Variants in C1GALT1 observed in about 807,000 individuals in gnomAD.
C1GALT1 encodes core 1 synthase, glycoprotein-N-acetylgalactosamine 3-beta-galactosyltransferase 1, also known as glycoprotein-N-acetylgalactosamine 3-beta-galactosyltransferase 1.
C1GALT1 carries 11 observed loss-of-function variants against 31.0 expected under a neutral mutation model. The ratio of observed to expected loss-of-function variants is 0.36; its 90% CI spans 0.22 to 0.59. The LOEUF (loss-of-function observed/expected upper bound fraction) is 0.59, where lower values mean the gene tolerates loss of function less well. C1GALT1 is among the 20% of genes least tolerant of loss of function. C1GALT1 has a pLI of 0.79. For missense variants in C1GALT1, 424 were observed against 425.2 expected, an observed-to-expected ratio of 1.00 and a Z score of 0.03; for synonymous variants, 175 against 143.6, an observed-to-expected ratio of 1.22 and a Z score of -1.56.
chr7:7,185,918 A>G (rs1374319881), intron 1 of C1GALT1, among the ~76,000 whole-genome samples: 1 of 152,220 alleles, frequency 6.6e-6, no homozygotes, highest in Non-Finnish European at 1.5e-5. Flanking sequence ...ATTTATTTAC[A>G]TATATCAGTG....
intron 1 of C1GALT1, among the ~76,000 whole-genome samples, chr7:7,200,396 C>G (rs185919742): frequency 6.6e-6 from 1 of 152,340 alleles, no homozygotes; most frequent in East Asian, 1.9e-4. Flanking sequence ...TGTAGAGTTT[C>G]TGCAGAGAGA....
chr7:7,170,080 G>C (rs1780437529), intron 2 of C1GALT1, among the ~76,000 whole-genome samples: 1 of 152,166 alleles, frequency 6.6e-6, no homozygotes, highest in Non-Finnish European at 1.5e-5. Flanking sequence ...AGTAAGTTTA[G>C]TTAATTTGTG....
At chr7:7,235,685 A>T (rs1783303708) in intron 2 of C1GALT1, among the ~76,000 whole-genome samples, 1 of 151,768 alleles carries the variant, frequency 6.6e-6, no homozygotes, top group Middle Eastern at 3.2e-3. Flanking sequence ...AAGTTTGTCT[A>T]CTCCCTTCAG....
At chr7:7,194,231 T>G (rs966057848) in intron 1 of C1GALT1, among the ~76,000 whole-genome samples, 3 of 152,154 alleles carry the variant, frequency 2.0e-5, no homozygotes, top group African/African-American at 7.2e-5. Flanking sequence ...GTAGTGAGAC[T>G]GGGCATCCCT....
chr7:7,192,680 T>C (rs1038853340), intron 1 of C1GALT1, among the ~76,000 whole-genome samples: 2 of 152,164 alleles, frequency 1.3e-5, no homozygotes, highest in African/African-American at 4.8e-5. Context: ...AGTAGTGGGA[T>C]TGCTGGGTCA....
At chr7:7,205,551 A>T (rs1459228086) in intron 1 of C1GALT1, among the ~76,000 whole-genome samples, 1 of 152,208 alleles carries the variant, frequency 6.6e-6, no homozygotes, top group Non-Finnish European at 1.5e-5. Context: ...TGGCAGAGGT[A>T]GAAGAAGATG....
intron 2 of C1GALT1, among the ~76,000 whole-genome samples, chr7:7,237,280 A>T (rs1400966707): frequency 6.6e-6 from 1 of 152,200 alleles, no homozygotes; most frequent in African/African-American, 2.4e-5. Flanking sequence ...CTTCCTCTGT[A>T]CCGGTGCTAC....
intron 1 of C1GALT1, among the ~76,000 whole-genome samples, chr7:7,214,174 A>G (rs564236196): frequency 6.6e-6 from 1 of 152,332 alleles, no homozygotes; most frequent in Non-Finnish European, 1.5e-5. Flanking sequence ...TAGATAACAC[A>G]ATGCAAAACA....
chr7:7,217,696 C>T (rs991184127), intron 1 of C1GALT1, among the ~76,000 whole-genome samples: 3 of 152,084 alleles, frequency 2.0e-5, no homozygotes, highest in Admixed American at 6.5e-5. Context: ...CTTAAAGAAG[C>T]AAAGTCTCAC....
At chr7:7,212,739 A>G (rs1408611204) in intron 1 of C1GALT1, among the ~76,000 whole-genome samples, 4 of 152,056 alleles carry the variant, frequency 2.6e-5, no homozygotes, top group Non-Finnish European at 5.9e-5. Flanking sequence ...TACATTCACA[A>G]GGGCGGGGAG....
intron 2 of C1GALT1, among the ~76,000 whole-genome samples, chr7:7,176,354 G>A (rs1780506198): frequency 6.6e-6 from 1 of 152,074 alleles, no homozygotes; most frequent in African/African-American, 2.4e-5. Flanking sequence ...TTCAATAACA[G>A]ATGCAACATA....
chr7:7,208,980 T>G (rs1001197807), intron 1 of C1GALT1, among the ~76,000 whole-genome samples: 4 of 152,222 alleles, frequency 2.6e-5, no homozygotes, highest in Admixed American at 2.6e-4. Flanking sequence ...ATGAGATAGA[T>G]TCTACCAGCG....
chr7:7,167,523 T>C (rs1300143671), intron 2 of C1GALT1, among the ~76,000 whole-genome samples: 4 of 152,192 alleles, frequency 2.6e-5, no homozygotes, highest in Admixed American at 2.6e-4. Flanking sequence ...TTAAGAGTAA[T>C]ACATCTTTAA....
chr7:7,177,562 A>G (rs890578778), upstream of C1GALT1, among the ~76,000 whole-genome samples: 2 of 152,226 alleles, frequency 1.3e-5, no homozygotes, highest in Non-Finnish European at 2.9e-5. Context: ...AGTGATAATT[A>G]TGCATTCTTT....
rs1783464997 is a variant in C1GALT1, at chr7:7,238,394, T to C, written c.360T>C (p.Phe120=). ...TWAQRCNKVL[F]MSSEENKDFP... The stretch of plus-strand genomic sequence containing the variant: ...CCCAGCGTTGTAACAAAGTGTTGTT[T>C]ATGAGTTCAGAAGAAAATAAAGACT... Residue 120 remains phenylalanine, a synonymous_variant, in exon 3 of 4, where the codon TTT becomes TTC. Coordinates refer to ENST00000436587, the MANE Select transcript of C1GALT1 (RefSeq NM_020156.5). This position sits in a 1 kb window ranked among gnomAD's most constrained non-coding sequence, Gnocchi z 5.2. 2.5e-6 allele frequency: 4 copies of C among 1,614,092 alleles called. No homozygotes were observed. The highest frequency in any genetic ancestry group is 1.1e-5 in the South Asian group (1 of 91,082).
chr7:7,180,030 A>C (rs921880209), upstream of C1GALT1, among the ~76,000 whole-genome samples: 14 of 152,234 alleles, frequency 9.2e-5, no homozygotes, highest in Admixed American at 3.3e-4. Flanking sequence ...TTAACTGGCC[A>C]CATTGTCACC....
chr7:7,222,669 CTG>C (rs1221016007), intron 1 of C1GALT1, among the ~76,000 whole-genome samples: 4 of 152,156 alleles, frequency 2.6e-5, no homozygotes, highest in Non-Finnish European at 4.4e-5. Flanking sequence ...TGATTACAGA[CTG>C]TGGGTTAGAT....
At chr7:7,169,269 T>G (rs1027866451) in intron 2 of C1GALT1, among the ~76,000 whole-genome samples, 1 of 152,326 alleles carries the variant, frequency 6.6e-6, no homozygotes, top group Non-Finnish European at 1.5e-5. Context: ...TGATGAACAC[T>G]TGGGTTGTTT....
intron 2 of C1GALT1, among the ~76,000 whole-genome samples, chr7:7,236,770 C>G (rs1042535556): frequency 6.6e-6 from 1 of 152,072 alleles, no homozygotes; most frequent in African/African-American, 2.4e-5. Context: ...GTGATCTACC[C>G]GCCTCAGCCT....
Sources: allele counts gnomAD v4.1 joint callset (sites outside exome capture counted in the v4.1 genomes callset), GRCh38; gene constraint gnomAD v4.1.1; non-coding constraint Gnocchi (gnomAD v3.1); transcripts MANE v1.5; gene names NCBI Gene and HGNC (gene_info 2026-07-23, HGNC 2026-07-21).